Variants in SLC24A3 observed in about 807,000 individuals in gnomAD.
The protein encoded by SLC24A3 is solute carrier family 24 member 3, also known as sodium/potassium/calcium exchanger 3.
In SLC24A3, 28 loss-of-function variants were observed where a neutral mutation model predicts 75.8. The ratio of observed to expected loss-of-function variants is 0.37; its 90% CI spans 0.27 to 0.51. SLC24A3 has a LOEUF of 0.51. Among genes scored for constraint, SLC24A3 ranks in the 20% least tolerant of loss-of-function variants. The pLI, the probability that SLC24A3 is intolerant of heterozygous loss-of-function variation, is 0.94. For synonymous variants in SLC24A3, 372 were observed against 334.1 expected, an observed-to-expected ratio of 1.11 and a Z score of -1.24; for missense variants, 663 against 847.8, an observed-to-expected ratio of 0.78 and a Z score of 2.71.
intron 2 of SLC24A3, among the ~76,000 whole-genome samples, chr20:19,344,366 T>A (rs1194938826): frequency 6.6e-6 from 1 of 152,190 alleles, no homozygotes; most frequent in East Asian, 1.9e-4. Flanking sequence ...TTTACACCTT[T>A]AGATAGAGTG....
Position 19,585,458 on chromosome 20 carries a change from G to A in SLC24A3, c.526G>A (p.Gly176Ser). The A allele has an allele frequency of 6.2e-7, 1 of 1,614,168 alleles. No homozygotes were observed. The highest frequency in any genetic ancestry group is 8.5e-7 in the Non-Finnish European group (1 of 1,180,012). Residue 176 changes from glycine to serine, a missense_variant, in exon 6 of 17, where the codon GGC (glycine) becomes AGC (serine). Gly to Ser is a moderately conservative substitution (Grantham distance 56). Transcript: ENST00000328041. ...TGTTTCAGGGGTCTTCATCACCAAA[G>A]GCGATGTGGGAGTTGGCACCATCGT... ...TSVIGVFITK[G>S]DVGVGTIVGS... is the part of the protein sequence containing the mutation.
chr20:19,370,972 A>G (rs1363886332), intron 2 of SLC24A3, among the ~76,000 whole-genome samples: 1 of 152,134 alleles, frequency 6.6e-6, no homozygotes, highest in East Asian at 1.9e-4. Context: ...GGAGGATCAG[A>G]GATTTTAACT....
intron 2 of SLC24A3, among the ~76,000 whole-genome samples, chr20:19,301,103 G>A (rs188307410): frequency 1.6e-4 from 25 of 152,252 alleles, no homozygotes; most frequent in Middle Eastern, 3.4e-3. Context: ...CTTCAGTTCC[G>A]TGGAAGGCAG....
chr20:19,250,210 C>T (rs1390575496), intron 1 of SLC24A3, among the ~76,000 whole-genome samples: 9 of 152,182 alleles, frequency 5.9e-5, no homozygotes, highest in Admixed American at 4.6e-4. Context: ...GCTAACTTTC[C>T]GACATATTTT....
chr20:19,650,456 G>A (rs142494232), intron 6 of SLC24A3, among the ~76,000 whole-genome samples: 13 of 152,258 alleles, frequency 8.5e-5, no homozygotes, highest in African/African-American at 2.9e-4. Context: ...CCATCTTCCA[G>A]TCCCACCATC....
At chr20:19,299,058 C>T (rs1390285866) in intron 2 of SLC24A3, among the ~76,000 whole-genome samples, 1 of 152,156 alleles carries the variant, frequency 6.6e-6, no homozygotes, top group Non-Finnish European at 1.5e-5. Flanking sequence ...GGGAAAAAAG[C>T]CGGCACTGCC....
At chr20:19,452,607 T>A in intron 2 of SLC24A3, among the ~76,000 whole-genome samples, 1 of 151,996 alleles carries the variant, frequency 6.6e-6, no homozygotes, top group South Asian at 2.1e-4. Context: ...GTTCCACCCT[T>A]CATAGAGCAT....
intron 1 of SLC24A3, among the ~76,000 whole-genome samples, chr20:19,223,401 A>C (rs1036291895): frequency 1.3e-5 from 2 of 152,222 alleles, no homozygotes; most frequent in Admixed American, 6.5e-5. Context: ...GGGTAATAAC[A>C]TTGATACAAT....
chr20:19,635,785 C>T (rs4814873), intron 6 of SLC24A3, among the ~76,000 whole-genome samples: 48,233 of 151,976 alleles, frequency 0.32, 9,116 homozygotes, highest in African/African-American at 0.53. Flanking sequence ...ATCATGGCAG[C>T]CTCAGGTTAT....
chr20:19,247,083 G>A (rs1034101147), intron 1 of SLC24A3, among the ~76,000 whole-genome samples: 14 of 152,098 alleles, frequency 9.2e-5, no homozygotes, highest in Non-Finnish European at 1.9e-4. Context: ...TTATAAATAC[G>A]TTTTTTAAAT....
At chr20:19,374,651 G>A (rs1463140747) in intron 2 of SLC24A3, among the ~76,000 whole-genome samples, 3 of 152,156 alleles carry the variant, frequency 2.0e-5, no homozygotes, top group Non-Finnish European at 4.4e-5. Context: ...TAGGCATGAA[G>A]GCACTCTTTT....
At chr20:19,691,027 C>T (rs537599166) in intron 12 of SLC24A3, among the ~76,000 whole-genome samples, 1 of 152,124 alleles carries the variant, frequency 6.6e-6, no homozygotes, top group South Asian at 2.1e-4. Flanking sequence ...CAATATAAGC[C>T]CTGCACTATC....
intron 6 of SLC24A3, among the ~76,000 whole-genome samples, chr20:19,653,573 A>C (rs1277398578): frequency 6.6e-6 from 1 of 152,202 alleles, no homozygotes. Context: ...CGCTAGACTC[A>C]TGGCAAAGGC....
At chr20:19,493,570 A>G (rs1460890810) in intron 2 of SLC24A3, among the ~76,000 whole-genome samples, 2 of 152,174 alleles carry the variant, frequency 1.3e-5, no homozygotes, top group African/African-American at 4.8e-5. Context: ...GACCAGGCTG[A>G]GGATAAAAGG....
intron 1 of SLC24A3, among the ~76,000 whole-genome samples, chr20:19,259,018 G>A (rs1277249021): frequency 6.6e-6 from 1 of 152,170 alleles, no homozygotes. Flanking sequence ...TTAAATTAGA[G>A]CCAGGTAAGT....
intron 15 of SLC24A3, among the ~76,000 whole-genome samples, chr20:19,709,882 T>G (rs113537727): frequency 0.047 from 7,228 of 152,308 alleles, 249 homozygotes; most frequent in Middle Eastern, 0.11. Flanking sequence ...GCATATTTCA[T>G]GAGTGGCCAC....
At chr20:19,315,387 G>A (rs544048189) in intron 2 of SLC24A3, among the ~76,000 whole-genome samples, 5 of 152,210 alleles carry the variant, frequency 3.3e-5, no homozygotes, top group Non-Finnish European at 5.9e-5. Flanking sequence ...GTGCAAAGAA[G>A]CAAGTGTATG....
intron 3 of SLC24A3, 145 bp from the exon 4 acceptor site, chr20:19,579,855 T>G: frequency 6.5e-6 from 4 of 619,282 alleles, no homozygotes; most frequent in East Asian, 2.8e-5. Flanking sequence ...CACAGGAGAG[T>G]GTTGTGGGCA....
chr20:19,633,566 G>A (rs927964254), intron 6 of SLC24A3, among the ~76,000 whole-genome samples: 2 of 147,416 alleles, frequency 1.4e-5, no homozygotes, highest in East Asian at 2.1e-4. Flanking sequence ...GGAGAATGGC[G>A]TGAACCCGGG....
Sources: allele counts gnomAD v4.1 joint callset (sites outside exome capture counted in the v4.1 genomes callset), GRCh38; gene constraint gnomAD v4.1.1; transcripts MANE v1.5; gene names NCBI Gene and HGNC (gene_info 2026-07-23, HGNC 2026-07-21).